TMEM74: variants seen among roughly 807,000 people sequenced by gnomAD.
TMEM74 encodes transmembrane protein 74.
A neutral mutation model predicts 18.1 loss-of-function variants in TMEM74; 13 were observed. The ratio of observed to expected loss-of-function variants is 0.72; its 90% CI spans 0.47 to 1.14. The LOEUF (loss-of-function observed/expected upper bound fraction) is 1.14, where lower values mean the gene tolerates loss of function less well. Ranked by LOEUF, TMEM74 falls within the 50% of genes most tolerant of loss-of-function variation. The pLI, the probability that TMEM74 is intolerant of heterozygous loss-of-function variation, is 0.00. For synonymous variants in TMEM74, 159 were observed against 146.6 expected (o/e 1.08, Z -0.61); for missense variants, 372 against 375.9 (o/e 0.99, Z 0.09).
intron 1 of TMEM74, among the ~76,000 whole-genome samples, chr8:108,670,112 G>A (rs1812989304): frequency 6.6e-6 from 1 of 150,428 alleles, no homozygotes; most frequent in Admixed American, 6.6e-5. Context: ...CTGTACTCAG[G>A]AAAACTATTC....
At position 108,765,859 on chromosome 8, in the gene TMEM74, T is replaced by C. The variant is rs939166215; in HGVS notation, n.119+21617A>G. On this transcript the variant is annotated intron_variant and non_coding_transcript_variant, in intron 1 of 3. Coordinates refer to the TMEM74 transcript ENST00000518838. ...ATGGAATGATGTATCCTTATCTAAA[T>C]CTAAAGTGCTCATAAGCATTTTGAC... is the stretch of plus-strand genomic sequence containing the variant. Among the ~76,000 whole-genome samples the C allele has an allele frequency of 3.9e-5, 6 of 152,242 alleles. No homozygotes were observed. In the East Asian group the frequency reaches 1.2e-3, roughly 29 times the overall value.
At chr8:108,717,662 A>G (rs1266152069) in intron 1 of TMEM74, among the ~76,000 whole-genome samples, 1 of 152,158 alleles carries the variant, frequency 6.6e-6, no homozygotes, top group Admixed American at 6.5e-5. Flanking sequence ...GAGAGATGCC[A>G]TTGGAACAGG....
chr8:108,658,970 C>T (rs1362186359), intron 1 of TMEM74, among the ~76,000 whole-genome samples: 1 of 152,036 alleles, frequency 6.6e-6, no homozygotes, highest in African/African-American at 2.4e-5. Context: ...AAGATGGCAT[C>T]AAGCTAAACT....
At chr8:108,699,200 C>CTTCCTTT (rs1563529321) in intron 1 of TMEM74, among the ~76,000 whole-genome samples, 1 of 133,830 alleles carries the variant, frequency 7.5e-6, no homozygotes, top group African/African-American at 3.0e-5. Context: ...TCCCTCCCTC[C>CTTCCTTT]CTCCCTCCCT....
intron 1 of TMEM74, among the ~76,000 whole-genome samples, chr8:108,755,280 G>T (rs1563543254): frequency 6.6e-6 from 1 of 152,034 alleles, no homozygotes; most frequent in Non-Finnish European, 1.5e-5. Context: ...AAAGCAGCCT[G>T]GTTGATACCT....
intron 1 of TMEM74, among the ~76,000 whole-genome samples, chr8:108,754,916 C>T (rs1163806013): frequency 1.3e-5 from 2 of 151,872 alleles, no homozygotes; most frequent in Non-Finnish European, 2.9e-5. Context: ...CTCTTCTTTC[C>T]TCTGCCTTTT....
chr8:108,607,718 AG>A (rs964854938), exon 4 of TMEM74: 3 of 152,192 alleles, frequency 2.0e-5, no homozygotes, highest in Non-Finnish European at 2.9e-5. Flanking sequence ...CTTCACTTTC[AG>A]GTGGCATCAA....
chr8:108,733,608 T>A (rs1349791839), intron 1 of TMEM74, among the ~76,000 whole-genome samples: 2 of 152,212 alleles, frequency 1.3e-5, no homozygotes, highest in Non-Finnish European at 2.9e-5. Flanking sequence ...GAACAAACTA[T>A]ATACTTAAGA....
chr8:108,683,354 A>G (rs986390403), intron 1 of TMEM74, among the ~76,000 whole-genome samples: 2 of 151,830 alleles, frequency 1.3e-5, no homozygotes, highest in Non-Finnish European at 2.9e-5. Context: ...GTTCAGTATC[A>G]TTTATAAACA....
chr8:108,745,815 C>G (rs1054878935), intron 1 of TMEM74, among the ~76,000 whole-genome samples: 3 of 152,082 alleles, frequency 2.0e-5, no homozygotes, highest in African/African-American at 7.2e-5. Flanking sequence ...AGTTAAAGAT[C>G]GACCCCTGAC....
chr8:108,690,721 C>A (rs1813217886), intron 1 of TMEM74, among the ~76,000 whole-genome samples: 1 of 152,054 alleles, frequency 6.6e-6, no homozygotes, highest in African/African-American at 2.4e-5. Context: ...ACTCAGGAGG[C>A]TGAGGCAGGA....
rs745445272 is a variant in TMEM74, at chr8:108,784,433, C to T, written c.666G>A (p.Ala222=). 16 of 1,614,154 alleles carry T rather than the reference C, an allele frequency of 9.9e-6. No individual in the cohort carries two copies. The highest frequency in any genetic ancestry group is 2.2e-5 in the South Asian group (2 of 91,082). Residue 222 remains alanine, a synonymous_variant, in exon 2 of 2, where the codon GCG becomes GCA. Transcript: ENST00000297459. Reference sequence around the variant, plus strand: ...AGCGGTCCAGGTGAGCCCCCAGCCTCGCACTCTCCTTCTCCAGGCGCTCCA... The same window carrying T: ...AGCGGTCCAGGTGAGCCCCCAGCCTTGCACTCTCCTTCTCCAGGCGCTCCA... The part of the protein sequence containing the change: ...REMERLEKES[A]RLGAHLDRCV...
In TMEM74 at chr8:108,762,337, C is replaced by T. The variant is rs140482413; in HGVS notation, n.119+25139G>A. 3.8e-3 allele frequency among the ~76,000 whole-genome samples: 573 copies of T among 152,220 alleles called. 7 individuals are homozygous for T. The highest frequency in any genetic ancestry group is 0.013 in the African/African-American group (533 of 41,550). ...TACTCTGAATTATTTCATGCCTTCT[C>T]TTAAGGACAAATAGCTGATTCTCAT... On this transcript the variant is annotated intron_variant and non_coding_transcript_variant, in intron 1 of 3. Transcript: ENST00000518838.
intron 2 of TMEM74, among the ~76,000 whole-genome samples, chr8:108,627,865 C>A (rs1208186461): frequency 6.6e-6 from 1 of 151,854 alleles, no homozygotes; most frequent in Non-Finnish European, 1.5e-5. Context: ...CCAGCCTGGG[C>A]AATATGGTGA....
chr8:108,607,121 T>C (rs978426538), exon 4 of TMEM74: 2 of 152,216 alleles, frequency 1.3e-5, no homozygotes, highest in African/African-American at 4.8e-5. Context: ...TTCTTGCATG[T>C]GATCACACTT....
chr8:108,663,873 A>C (rs1812924164), intron 1 of TMEM74, among the ~76,000 whole-genome samples: 1 of 152,168 alleles, frequency 6.6e-6, no homozygotes, highest in South Asian at 2.1e-4. Context: ...AAAACCAAAC[A>C]CTGCATGTTC....
intron 2 of TMEM74, among the ~76,000 whole-genome samples, chr8:108,649,429 T>C (rs1422489920): frequency 6.6e-6 from 1 of 152,120 alleles, no homozygotes; most frequent in Non-Finnish European, 1.5e-5. Flanking sequence ...TAACAATAAC[T>C]CTTATTTATT....
chr8:108,694,203 A>T (rs1321845250), intron 1 of TMEM74, among the ~76,000 whole-genome samples: 1 of 152,238 alleles, frequency 6.6e-6, no homozygotes, highest in Non-Finnish European at 1.5e-5. Flanking sequence ...GGCATTTAGT[A>T]CATTCACAAT....
intron 1 of TMEM74, among the ~76,000 whole-genome samples, chr8:108,751,249 C>G (rs960725177): frequency 6.6e-6 from 1 of 152,062 alleles, no homozygotes; most frequent in Non-Finnish European, 1.5e-5. Context: ...ATTTTGGGCT[C>G]CATGATAAGC....
Sources: allele counts gnomAD v4.1 joint callset (sites outside exome capture counted in the v4.1 genomes callset), GRCh38; gene constraint gnomAD v4.1.1; transcripts MANE v1.5; gene names NCBI Gene and HGNC (gene_info 2026-07-23, HGNC 2026-07-21).